HMCN1: variants seen among roughly 807,000 people sequenced by gnomAD.
The protein encoded by HMCN1 is hemicentin 1.
Under a neutral mutation model 625.9 loss-of-function variants are expected in HMCN1, and 321 were observed. The observed-to-expected ratio is 0.51, with a 90% CI of 0.47 to 0.56. The LOEUF is 0.56. Ranked by LOEUF, HMCN1 falls within the 20% of genes least tolerant of loss-of-function variation. The probability of loss-of-function intolerance (pLI) is 0.00; values close to 1 mark genes in which losing one functional copy is unlikely to be tolerated. For synonymous variants in HMCN1, 2,425 were observed against 2,417.6 expected (o/e 1.00, Z -0.09); for missense variants, 6,588 against 6,887.3 (o/e 0.96, Z 1.54).
chr1:185,748,967 G>A (rs1225025946), intron 1 of HMCN1, among the ~76,000 whole-genome samples: 2 of 152,154 alleles, frequency 1.3e-5, no homozygotes, highest in Non-Finnish European at 2.9e-5. Context: ...ATAAAATAAG[G>A]ATAAAACCAG....
At position 185,866,978 on chromosome 1, in the gene HMCN1, C is replaced by T. The variant is rs1455801007; in HGVS notation, c.621+1115C>T. On this transcript the variant is annotated intron_variant, in intron 4 of 106. Coordinates refer to ENST00000271588, the MANE Select transcript of HMCN1 (RefSeq NM_031935.3). ...GATTCATGTGGTCACTGTATCTCTA[C>T]AAGTTCTATTAATTTCATGACAGAC... Among the ~76,000 whole-genome samples, 5 of 151,932 alleles carry T rather than the reference C, an allele frequency of 3.3e-5. No individual in the cohort carries two copies. The East Asian group carries it at 9.7e-4, about 29-fold the overall frequency.
At chr1:186,026,188 T>TA (rs1188829500) in intron 36 of HMCN1, among the ~76,000 whole-genome samples, 1 of 152,208 alleles carries the variant, frequency 6.6e-6, no homozygotes. Flanking sequence ...TTGGAGATGT[T>TA]AAAAAATGTA....
intron 53 of HMCN1, among the ~76,000 whole-genome samples, chr1:186,076,001 A>G (rs943066323): frequency 2.0e-5 from 3 of 152,170 alleles, no homozygotes; most frequent in African/African-American, 7.2e-5. Flanking sequence ...TGGAATTTTT[A>G]ATCCTGATTG....
rs368678424 is a variant in HMCN1 at position 185,815,806 on chromosome 1, G to A, written c.269-30220G>A. Reference sequence around the variant, plus strand: ...ATATAACTGACAATAGTACCATTAGGCTGCTAGAATTCCTTGCTAAAATAT... The same window carrying A: ...ATATAACTGACAATAGTACCATTAGACTGCTAGAATTCCTTGCTAAAATAT... On this transcript the variant is annotated intron_variant, in intron 1 of 106. Coordinates refer to ENST00000271588, the MANE Select transcript of HMCN1 (RefSeq NM_031935.3). Among the ~76,000 whole-genome samples, 23 of 150,214 alleles carry A rather than the reference G, an allele frequency of 1.5e-4. 2 individuals are homozygous for A. Among genetic ancestry groups the A allele is most frequent in the African/African-American group, 5.5e-4 (22 of 39,664 alleles).
At chr1:185,892,390 A>C (rs546123040) in intron 4 of HMCN1, among the ~76,000 whole-genome samples, 8,448 of 150,112 alleles carry the variant, frequency 0.056, 845 homozygotes, top group African/African-American at 0.2. Flanking sequence ...AGGCGCTCTG[A>C]TTTTTAGAGT....
intron 1 of HMCN1, among the ~76,000 whole-genome samples, chr1:185,760,478 T>C (rs532438168): frequency 6.6e-6 from 1 of 152,220 alleles, no homozygotes; most frequent in Admixed American, 6.5e-5. Context: ...AGACCGATGG[T>C]GTGGAGGCAG....
Position 185,757,820 on chromosome 1 carries a change from T to C in HMCN1, c.268+22773T>C, listed in dbSNP as rs190610690. ...GAAACCTTTCAGAGTGCTCCCATTG[T>C]AGGTAATTCCTCTCTCCTTGGAGTC... On this transcript the variant is annotated intron_variant, in intron 1 of 106. Coordinates refer to ENST00000271588, the MANE Select transcript of HMCN1 (RefSeq NM_031935.3). Among the ~76,000 whole-genome samples, 162 of 152,344 alleles carry C rather than the reference T, an allele frequency of 1.1e-3. 2 individuals are homozygous for C. The highest frequency in any genetic ancestry group is 3.4e-3 in the Middle Eastern group (1 of 294).
At chr1:185,776,413 C>T (rs1328525225) in intron 1 of HMCN1, among the ~76,000 whole-genome samples, 1 of 150,366 alleles carries the variant, frequency 6.7e-6, no homozygotes, top group African/African-American at 2.5e-5. Flanking sequence ...TGGTGATTAA[C>T]TTTAAGTATT....
intron 57 of HMCN1, among the ~76,000 whole-genome samples, chr1:186,083,774 G>A (rs1221010912): frequency 6.6e-6 from 1 of 152,124 alleles, no homozygotes; most frequent in Non-Finnish European, 1.5e-5. Context: ...TTGGTATCTA[G>A]CAGTATTTGG....
intron 36 of HMCN1, among the ~76,000 whole-genome samples, chr1:186,027,434 A>AG (rs1446064515): frequency 1.3e-5 from 2 of 152,228 alleles, no homozygotes; most frequent in African/African-American, 4.8e-5. Flanking sequence ...ATTATTTCCC[A>AG]GGAAAAAAAT....
chr1:185,846,892 T>C (rs1661854792), intron 2 of HMCN1, among the ~76,000 whole-genome samples: 1 of 152,182 alleles, frequency 6.6e-6, no homozygotes, highest in South Asian at 2.1e-4. Context: ...GACCTTTTCT[T>C]TACTCTCTCT....
intron 35 of HMCN1, among the ~76,000 whole-genome samples, chr1:186,020,653 C>A (rs1654663781): frequency 6.6e-6 from 1 of 152,014 alleles, no homozygotes; most frequent in Non-Finnish European, 1.5e-5. Flanking sequence ...ATGAGAAAAG[C>A]AAAGCCTTCT....
intron 1 of HMCN1, among the ~76,000 whole-genome samples, chr1:185,767,434 G>T (rs1052973296): frequency 6.6e-6 from 1 of 152,108 alleles, no homozygotes; most frequent in Non-Finnish European, 1.5e-5. Flanking sequence ...TGTTTAAAGG[G>T]AATAAGTAAC....
intron 4 of HMCN1, among the ~76,000 whole-genome samples, chr1:185,896,169 C>T (rs1433178257): frequency 2.6e-5 from 4 of 152,058 alleles, no homozygotes; most frequent in Admixed American, 2.0e-4. Context: ...ATCTCCTGAC[C>T]TTGTGATCTG....
At chr1:185,764,291 A>G (rs1050995606) in intron 1 of HMCN1, among the ~76,000 whole-genome samples, 2 of 152,204 alleles carry the variant, frequency 1.3e-5, no homozygotes, top group African/African-American at 4.8e-5. Context: ...AAATAGGTTC[A>G]GTAAAGAGTT....
rs551588152 is a variant in HMCN1, at chr1:186,170,163, AAAC to A, written c.15575-1168_15575-1166del. 8.8e-4 allele frequency among the ~76,000 whole-genome samples: 134 copies of A among 152,322 alleles called. 1 individual carries two copies. The highest frequency in any genetic ancestry group is 3.2e-3 in the African/African-American group (132 of 41,582). On this transcript the variant is annotated intron_variant, in intron 100 of 106. Transcript: ENST00000271588. The stretch of plus-strand genomic sequence containing the variant: ...GAATGGCAATCATTAAAAAGTCAGG[AAAC>A]AACAAGATGCTGGAGAGGAGGTGGA...
intron 42 of HMCN1, among the ~76,000 whole-genome samples, chr1:186,051,200 ATAAAC>A (rs1320885731): frequency 1.3e-5 from 2 of 152,082 alleles, no homozygotes; most frequent in Non-Finnish European, 2.9e-5. Context: ...AGGTGATAGA[ATAAAC>A]TAAAGGGATT....
At chr1:185,914,482 G>A (rs1443096330) in intron 6 of HMCN1, among the ~76,000 whole-genome samples, 1 of 151,844 alleles carries the variant, frequency 6.6e-6, no homozygotes, top group Non-Finnish European at 1.5e-5. Context: ...TTACCTTGAG[G>A]CTCAAGGACC....
chr1:186,117,308 G>C, intron 76 of HMCN1, 151 bp from the exon 77 acceptor site: 1 of 1,146,072 alleles, frequency 8.7e-7, no homozygotes, highest in East Asian at 2.5e-5. Context: ...CATCACCCAG[G>C]TATTAACCCA....
Sources: gnomAD v4.1 joint callset for allele counts (sites outside exome capture counted in the v4.1 genomes callset) on GRCh38, gnomAD v4.1.1 for gene constraint, MANE v1.5 for transcripts, NCBI Gene and HGNC (gene_info 2026-07-23, HGNC 2026-07-21) for gene names.